KCNAB2: variants seen among roughly 807,000 people sequenced by gnomAD.
KCNAB2 encodes potassium voltage-gated channel subfamily A regulatory beta subunit 2, also known as voltage-gated potassium channel subunit beta-2.
A neutral mutation model predicts 63.6 loss-of-function variants in KCNAB2; 29 were observed. The observed-to-expected ratio is 0.46, with a 90% CI of 0.34 to 0.62. KCNAB2 has a LOEUF of 0.62. Among genes scored for constraint, KCNAB2 ranks in the 20% least tolerant of loss-of-function variants. KCNAB2 has a pLI of 0.01. For missense variants in KCNAB2, 359 were observed against 563.9 expected (o/e 0.64, Z 3.68); for synonymous variants, 222 against 224.2 (o/e 0.99, Z 0.09).
chr1:6,001,107 A>AGGG (rs936147445), intron 1 of KCNAB2, among the ~76,000 whole-genome samples: 1 of 152,100 alleles, frequency 6.6e-6, no homozygotes, highest in Non-Finnish European at 1.5e-5. Context: ...GCAGGTAAGG[A>AGGG]GGGACCTTGG....
intron 1 of KCNAB2, among the ~76,000 whole-genome samples, chr1:5,998,654 G>T (rs963685072): frequency 3.9e-5 from 6 of 152,202 alleles, no homozygotes; most frequent in African/African-American, 9.7e-5. Context: ...GATGAGGCAG[G>T]TATCTGCTGC....
chr1:6,063,010 C>G (rs1362966092), intron 2 of KCNAB2, among the ~76,000 whole-genome samples: 2 of 151,646 alleles, frequency 1.3e-5, no homozygotes, highest in Non-Finnish European at 2.9e-5. Flanking sequence ...CTTTCTGTCT[C>G]TACGGATTCG....
chr1:6,039,132 G>C (rs1321033772), intron 1 of KCNAB2, among the ~76,000 whole-genome samples: 1 of 152,036 alleles, frequency 6.6e-6, no homozygotes, highest in Non-Finnish European at 1.5e-5. Flanking sequence ...CCACAGTCGG[G>C]GCTCATGGCG....
intron 2 of KCNAB2, among the ~76,000 whole-genome samples, chr1:6,057,823 G>A (rs930137498): frequency 1.3e-5 from 2 of 151,954 alleles, no homozygotes; most frequent in Non-Finnish European, 1.5e-5. Flanking sequence ...TCTCTCTGTG[G>A]GCCTCTGTCT....
chr1:6,060,684 C>A (rs1662233290), intron 2 of KCNAB2, among the ~76,000 whole-genome samples: 1 of 152,138 alleles, frequency 6.6e-6, no homozygotes, highest in Non-Finnish European at 1.5e-5. Context: ...GGTGGCGGAT[C>A]ACAAGGTCAA....
At position 6,073,899 on chromosome 1, in the gene KCNAB2, T is replaced by A; in HGVS notation, c.300+129T>A. The A allele has an allele frequency of 1.0e-6, 1 of 985,562 alleles. No individual in the cohort carries two copies. Among genetic ancestry groups the A allele is most frequent in the Non-Finnish European group, 1.6e-6 (1 of 630,402 alleles). 61.1% of individuals were successfully genotyped at this position (985,562 alleles called of 1,614,324 possible). On this transcript the variant is annotated intron_variant, in intron 4 of 15. Transcript: ENST00000378083. The surrounding 1 kb of genome is among the most constrained non-coding windows in gnomAD (Gnocchi z 5.7). The stretch of plus-strand genomic sequence containing the variant: ...GCGCAGCAGCCTCCCTCCCTCTTTC[T>A]GTTTTGTGAGGGCGCCCTGCCCCAG...
rs1055162632 is a variant in KCNAB2 at position 6,071,174 on chromosome 1, G to A, written c.219-1581G>A. 6.6e-6 allele frequency among the ~76,000 whole-genome samples: 1 copy of A among 152,160 alleles called. No individual in the cohort carries two copies. Among genetic ancestry groups the A allele is most frequent in the African/African-American group, 2.4e-5 (1 of 41,414 alleles). On this transcript the variant is annotated intron_variant, in intron 2 of 15. Coordinates refer to ENST00000378083, the MANE Select transcript of KCNAB2 (RefSeq NM_001199862.2). The surrounding 1 kb of genome is among the most constrained non-coding windows in gnomAD (Gnocchi z 8.5). ...GTCGGGGGTTCAGAATGAGGCTTGA[G>A]CCCCATGCCGCCTTCCCAGGGGCCA... is the stretch of plus-strand genomic sequence containing the variant.
rs1201454727 is a variant in KCNAB2 at position 6,069,147 on chromosome 1, C to T, written c.219-3608C>T. On this transcript the variant is annotated intron_variant, in intron 2 of 15. Transcript: ENST00000378083. This position sits in a 1 kb window ranked among gnomAD's most constrained non-coding sequence, Gnocchi z 5.4. The stretch of plus-strand genomic sequence containing the variant: ...CCTGTCCTTAGGGAGCCTGGAATCT[C>T]GGAGCAGGGCAGGCGTGCAAACATC... Among the ~76,000 whole-genome samples the T allele has an allele frequency of 2.6e-5, 4 of 152,198 alleles. No homozygotes were observed. The highest frequency in any genetic ancestry group is 5.9e-5 in the Non-Finnish European group (4 of 68,038).
intron 1 of KCNAB2, among the ~76,000 whole-genome samples, chr1:6,047,076 A>G (rs3789557): frequency 0.26 from 39,998 of 152,116 alleles, 6,033 homozygotes; most frequent in African/African-American, 0.4. Flanking sequence ...AGCAATGGCT[A>G]TTGAGGAGGG....
intron 1 of KCNAB2, among the ~76,000 whole-genome samples, chr1:6,037,515 G>A (rs1401342363): frequency 6.6e-6 from 1 of 152,220 alleles, no homozygotes; most frequent in East Asian, 1.9e-4. Context: ...GCTACTCAGG[G>A]GAGCCTGGGG....
chr1:6,086,092 GC>G lies in KCNAB2; in HGVS notation c.425+845del, dbSNP rs1285536246. 3 of 985,298 alleles carry G rather than the reference GC, an allele frequency of 3.0e-6. No homozygotes were observed. In the African/African-American group the frequency reaches 5.2e-5, roughly 17 times the overall value. 61.0% of individuals were successfully genotyped at this position (985,298 alleles called of 1,614,324 possible). On this transcript the variant is annotated intron_variant, in intron 6 of 15. Coordinates refer to ENST00000378083, the MANE Select transcript of KCNAB2 (RefSeq NM_001199862.2). The surrounding 1 kb of genome is among the most constrained non-coding windows in gnomAD (Gnocchi z 4.2). ...GAGGCTCCCCAGACCCCTGGACACA[GC>G]TTTATCTCAAGGTGCTGACAAGCCC...
chr1:6,052,692 T>C (rs1018090648), intron 2 of KCNAB2, among the ~76,000 whole-genome samples: 1 of 152,234 alleles, frequency 6.6e-6, no homozygotes, highest in Non-Finnish European at 1.5e-5. Flanking sequence ...CTTTATCTTC[T>C]GTGCCTCTCA....
intron 1 of KCNAB2, chr1:6,007,666 G>A (rs1008389790): frequency 1.3e-5 from 2 of 152,360 alleles, no homozygotes; most frequent in African/African-American, 4.8e-5. Context: ...TCTGAGAGGA[G>A]ACTCAGCATT....
chr1:6,089,851 C>A (rs1237193456), intron 8 of KCNAB2, among the ~76,000 whole-genome samples: 1 of 152,230 alleles, frequency 6.6e-6, no homozygotes, highest in Non-Finnish European at 1.5e-5. Context: ...GTGCCCACCA[C>A]CACATCTGGT....
upstream of KCNAB2, among the ~76,000 whole-genome samples, chr1:6,033,219 G>A (rs1557429420): frequency 6.6e-6 from 1 of 151,740 alleles, no homozygotes; most frequent in African/African-American, 2.4e-5. Flanking sequence ...GCATGTGGGT[G>A]TGTGCGCATG....
At position 6,095,191 on chromosome 1, in the gene KCNAB2, G is replaced by C; in HGVS notation, c.733-132G>C. 4 of 944,636 alleles carry C rather than the reference G, an allele frequency of 4.2e-6. No homozygotes were observed. The East Asian group carries it at 1.1e-4, about 25-fold the overall frequency. 58.5% of individuals were successfully genotyped at this position (944,636 alleles called of 1,614,324 possible). A position where few individuals can be genotyped will look rare whatever the true frequency, so the allele number is the denominator to read the frequency against. On this transcript the variant is annotated intron_variant, in intron 11 of 15. Transcript: ENST00000378083. ...CCCAGGGAAGCTATGAGTGTGAGCA[G>C]TGGGGAGCCCGGGCTGCAGCTGCTG...
intron 4 of KCNAB2, among the ~76,000 whole-genome samples, chr1:6,081,448 T>A (rs941202790): frequency 6.6e-6 from 1 of 152,220 alleles, no homozygotes; most frequent in African/African-American, 2.4e-5. Context: ...CCCAGCAACA[T>A]CCACAGAGCC....
At chr1:6,065,361 TAATG>T (rs1662658511) in intron 2 of KCNAB2, among the ~76,000 whole-genome samples, 4 of 152,222 alleles carry the variant, frequency 2.6e-5, no homozygotes, top group Admixed American at 2.6e-4. Flanking sequence ...GCTTCATTAA[TAATG>T]AATGGCCAGA....
At chr1:6,041,696 C>T (rs771068396), upstream of KCNAB2, 15 of 732,476 alleles carry the variant, frequency 2.0e-5, no homozygotes, top group Non-Finnish European at 2.8e-5. Flanking sequence ...CCTGAGCAGG[C>T]GACTGGTGGG....
Sources: allele counts gnomAD v4.1 joint callset (sites outside exome capture counted in the v4.1 genomes callset), GRCh38; gene constraint gnomAD v4.1.1; non-coding constraint Gnocchi (gnomAD v3.1); transcripts MANE v1.5; gene names NCBI Gene and HGNC (gene_info 2026-07-23, HGNC 2026-07-21).